Variants in VWA8 observed in about 807,000 individuals in gnomAD.
VWA8 encodes the protein von Willebrand factor A domain-containing protein 8.
In VWA8, 221 loss-of-function variants were observed where a neutral mutation model predicts 241.5. That is an observed-to-expected ratio of 0.91 (90% confidence interval 0.82 to 1.02). The LOEUF is 1.02. VWA8 is among the 50% of genes least tolerant of loss of function. The probability of loss-of-function intolerance (pLI) is 0.00; values close to 1 mark genes in which losing one functional copy is unlikely to be tolerated. For missense variants in VWA8, 2,322 were observed against 2,328.7 expected, an observed-to-expected ratio of 1.00 and a Z score of 0.06; for synonymous variants, 852 against 827.1, an observed-to-expected ratio of 1.03 and a Z score of -0.52.
chr13:41,721,548 T>A lies in VWA8; in HGVS notation c.2786A>T (p.Asp929Val), dbSNP rs2045391787. The A allele has an allele frequency of 6.2e-7, 1 of 1,613,372 alleles. No individual in the cohort carries two copies. Among genetic ancestry groups the A allele is most frequent in the African/African-American group, 1.3e-5 (1 of 74,844 alleles). ...GAGCTCCGAGTGGGGTTTGGGGTTA[T>A]CAACTGCATGGCAGCTAAAAATATC... ...LGDIFSCHAV[D>V]NPKPHSELEM... Residue 929 changes from aspartate to valine, a missense_variant, in exon 25 of 45, where the codon GAT becomes GTT. Transcript: ENST00000379310.
chr13:41,655,688 C>T (rs1038092959), intron 37 of VWA8, among the ~76,000 whole-genome samples: 4 of 152,026 alleles, frequency 2.6e-5, no homozygotes, highest in African/African-American at 7.3e-5. Flanking sequence ...CTTTTAAACT[C>T]GCCAAAGATT....
At chr13:41,607,412 CT>C (rs2139657938) in intron 39 of VWA8, among the ~76,000 whole-genome samples, 1 of 152,288 alleles carries the variant, frequency 6.6e-6, no homozygotes, top group East Asian at 1.9e-4. Flanking sequence ...GACAATACCT[CT>C]TGTATTTAGT....
chr13:41,900,847 A>G (rs1224536133), intron 4 of VWA8, among the ~76,000 whole-genome samples: 1 of 152,198 alleles, frequency 6.6e-6, no homozygotes, highest in Non-Finnish European at 1.5e-5. Context: ...TTTAAATTAC[A>G]TTTCAAGTTC....
At chr13:41,587,483 C>CTCT (rs1210166301) in intron 42 of VWA8, 29 bp downstream of exon 42, 1 of 1,613,050 alleles carries the variant, frequency 6.2e-7, no homozygotes, top group Non-Finnish European at 8.5e-7. Context: ...TCAATGATGC[C>CTCT]TCTCATTATT....
intron 9 of VWA8, 88 bp from the exon 10 acceptor site, chr13:41,868,565 G>A (rs1873424770): frequency 2.9e-6 from 4 of 1,403,462 alleles, no homozygotes; most frequent in Non-Finnish European, 3.8e-6. Context: ...AATTACAAGT[G>A]AAATCCATTT....
chr13:41,629,372 T>C (rs1039061703), intron 37 of VWA8, among the ~76,000 whole-genome samples: 2 of 152,142 alleles, frequency 1.3e-5, no homozygotes, highest in African/African-American at 2.4e-5. Context: ...AGCTATAACA[T>C]TGTATTGTGC....
chr13:41,890,077 A>C (rs1477763845), intron 5 of VWA8, among the ~76,000 whole-genome samples: 1 of 152,244 alleles, frequency 6.6e-6, no homozygotes, highest in Non-Finnish European at 1.5e-5. Context: ...CCATGAATAG[A>C]TCTAGAGGAA....
chr13:41,715,760 T>G (rs1433647092), intron 26 of VWA8, among the ~76,000 whole-genome samples: 1 of 151,984 alleles, frequency 6.6e-6, no homozygotes, highest in Non-Finnish European at 1.5e-5. Context: ...GAGTTTCAAT[T>G]TTAACATAAA....
At chr13:41,918,446 C>T (rs1383601025) in intron 2 of VWA8, among the ~76,000 whole-genome samples, 1 of 151,894 alleles carries the variant, frequency 6.6e-6, no homozygotes, top group African/African-American at 2.4e-5. Flanking sequence ...TGTAAGGGTA[C>T]AAAAATAAGA....
At chr13:41,774,686 T>C (rs946388517) in intron 20 of VWA8, among the ~76,000 whole-genome samples, 9 of 152,162 alleles carry the variant, frequency 5.9e-5, no homozygotes, top group Non-Finnish European at 1.0e-4. Context: ...AAGCACTTTA[T>C]TAAAGAAGCA....
chr13:41,669,511 T>C (rs1031662197), intron 37 of VWA8, among the ~76,000 whole-genome samples: 2 of 152,220 alleles, frequency 1.3e-5, no homozygotes, highest in Non-Finnish European at 2.9e-5. Context: ...GAGAAGTAAC[T>C]GGAAGAGAAG....
chr13:41,711,679 C>T (rs1351092290), intron 26 of VWA8, among the ~76,000 whole-genome samples: 1 of 152,088 alleles, frequency 6.6e-6, no homozygotes, highest in Non-Finnish European at 1.5e-5. Context: ...TCGAGACCAT[C>T]CTAGCTAACA....
intron 2 of VWA8, among the ~76,000 whole-genome samples, chr13:41,920,365 T>C (rs1212515978): frequency 6.6e-6 from 1 of 152,066 alleles, no homozygotes; most frequent in East Asian, 1.9e-4. Flanking sequence ...GGGTGTAAGC[T>C]GTTAGAAAGT....
intron 35 of VWA8, among the ~76,000 whole-genome samples, chr13:41,681,258 T>G (rs2045096329): frequency 6.6e-6 from 1 of 152,192 alleles, no homozygotes; most frequent in Non-Finnish European, 1.5e-5. Flanking sequence ...ATTTCCACTT[T>G]TCCTTGTTAT....
chr13:41,954,382 C>T (rs1274546930), intron 1 of VWA8, among the ~76,000 whole-genome samples: 1 of 152,156 alleles, frequency 6.6e-6, no homozygotes, highest in Non-Finnish European at 1.5e-5. Context: ...GTGCGCCTAA[C>T]CACCTCTAAC....
intron 39 of VWA8, among the ~76,000 whole-genome samples, chr13:41,609,924 GC>G (rs1244021120): frequency 6.6e-6 from 1 of 152,110 alleles, no homozygotes; most frequent in African/African-American, 2.4e-5. Context: ...GGGCACAGAT[GC>G]CCCTTACTTC....
At position 41,595,263 on chromosome 13, in the gene VWA8, T is replaced by C. The variant is rs141633461; in HGVS notation, c.4987-4498A>G. On this transcript the variant is annotated intron_variant, in intron 40 of 44. Transcript: ENST00000379310. ...ATGATTATCTGCCCTTAAGGTACTC[T>C]CTAGCTTGAAGACTGTTTCCATTAC... 3.1e-4 allele frequency among the ~76,000 whole-genome samples: 47 copies of C among 152,322 alleles called. No homozygotes were observed. The South Asian group carries it at 4.1e-3, about 13-fold the overall frequency.
At chr13:41,639,270 G>A (rs1172239067) in intron 37 of VWA8, among the ~76,000 whole-genome samples, 1 of 151,714 alleles carries the variant, frequency 6.6e-6, no homozygotes, top group African/African-American at 2.4e-5. Context: ...CTAGATAGAT[G>A]TGAAAAAAAA....
chr13:41,688,557 A>G (rs963122328), intron 34 of VWA8, among the ~76,000 whole-genome samples: 1 of 152,134 alleles, frequency 6.6e-6, no homozygotes, highest in Non-Finnish European at 1.5e-5. Flanking sequence ...AGAAGGGCCC[A>G]TCTAAGAGGA....
Sources: gnomAD v4.1 joint callset for allele counts (sites outside exome capture counted in the v4.1 genomes callset) on GRCh38, gnomAD v4.1.1 for gene constraint, MANE v1.5 for transcripts, NCBI Gene and HGNC (gene_info 2026-07-23, HGNC 2026-07-21) for gene names.